The following MCTP1 variants were observed in gnomAD, a reference collection of about 807,000 sequenced individuals.
MCTP1 encodes multiple C2 and transmembrane domain containing 1, also known as multiple C2 and transmembrane domain-containing protein 1.
Under a neutral mutation model 120.6 loss-of-function variants are expected in MCTP1, and 69 were observed. The observed-to-expected ratio is 0.57, with a 90% CI of 0.47 to 0.70. The LOEUF (loss-of-function observed/expected upper bound fraction) is 0.70, where lower values mean the gene tolerates loss of function less well. Among genes scored for constraint, MCTP1 ranks in the 30% least tolerant of loss-of-function variants. MCTP1 has a pLI of 0.00. For missense variants in MCTP1, 1,203 were observed against 1,248.8 expected (o/e 0.96, Z 0.55); for synonymous variants, 529 against 493.1 (o/e 1.07, Z -0.96).
At chr5:94,836,345 C>CA in intron 17 of MCTP1, among the ~76,000 whole-genome samples, 1 of 152,216 alleles carries the variant, frequency 6.6e-6, no homozygotes, top group East Asian at 1.9e-4. Flanking sequence ...GCTTACTATA[C>CA]AGCTGGGGGA....
intron 2 of MCTP1, among the ~76,000 whole-genome samples, chr5:94,961,593 C>G (rs557877186): frequency 1.3e-5 from 2 of 152,266 alleles, no homozygotes; most frequent in Admixed American, 1.3e-4. Context: ...CATACCATTT[C>G]TCATCTTTGT....
At chr5:95,215,684 A>G (rs931358617) in intron 1 of MCTP1, among the ~76,000 whole-genome samples, 10 of 151,706 alleles carry the variant, frequency 6.6e-5, no homozygotes, top group African/African-American at 2.4e-4. Context: ...ATATGGATAT[A>G]ATGTTAGAGA....
At chr5:94,937,407 G>A (rs1816454952) in intron 5 of MCTP1, among the ~76,000 whole-genome samples, 1 of 152,002 alleles carries the variant, frequency 6.6e-6, no homozygotes, top group Admixed American at 6.6e-5. Flanking sequence ...GGGTGAATGT[G>A]GCTGAAGAGA....
At chr5:94,930,203 CTTAAT>C (rs908458913) in intron 6 of MCTP1, among the ~76,000 whole-genome samples, 3 of 142,402 alleles carry the variant, frequency 2.1e-5, no homozygotes, top group Admixed American at 7.0e-5. Flanking sequence ...TATATTTTTA[CTTAAT>C]TTATGTTTAA....
chr5:94,800,186 A>G (rs1780921146), intron 17 of MCTP1, among the ~76,000 whole-genome samples: 1 of 152,254 alleles, frequency 6.6e-6, no homozygotes, highest in African/African-American at 2.4e-5. Flanking sequence ...CGCAAAAACC[A>G]AAACCCAAAC....
chr5:94,747,068 A>G (rs1207492587), intron 19 of MCTP1, among the ~76,000 whole-genome samples: 1 of 152,132 alleles, frequency 6.6e-6, no homozygotes, highest in Non-Finnish European at 1.5e-5. Context: ...TTTAGGCTGG[A>G]GATACAGTTT....
chr5:95,166,050 T>C (rs972015076), intron 1 of MCTP1: 22 of 152,186 alleles, frequency 1.4e-4, no homozygotes, highest in Admixed American at 3.9e-4. Context: ...GTGGCCATTA[T>C]TGATAAGCTG....
intron 1 of MCTP1, among the ~76,000 whole-genome samples, chr5:95,073,114 G>A (rs1752669973): frequency 6.6e-6 from 1 of 152,226 alleles, no homozygotes; most frequent in South Asian, 2.1e-4. Flanking sequence ...ACTAGCCCAT[G>A]GTCACAATGA....
At position 94,974,270 on chromosome 5, in the gene MCTP1, A is replaced by G. The variant is rs983646563; in HGVS notation, c.839-20909T>C. Among the ~76,000 whole-genome samples the G allele has an allele frequency of 1.3e-5, 2 of 152,192 alleles. 1 individual carries two copies. Among genetic ancestry groups the G allele is most frequent in the South Asian group, 4.1e-4 (2 of 4,836 alleles). Reference sequence around the variant, plus strand: ...TCATTTAGGAATACATAAATAGAACAAGCACAGTGTCTCACACTTGTAATC... The same window carrying G: ...TCATTTAGGAATACATAAATAGAACGAGCACAGTGTCTCACACTTGTAATC... On this transcript the variant is annotated intron_variant, in intron 2 of 22. Coordinates refer to ENST00000515393, the MANE Select transcript of MCTP1 (RefSeq NM_024717.7).
intron 1 of MCTP1, among the ~76,000 whole-genome samples, chr5:95,170,242 G>C (rs543817569): frequency 6.6e-6 from 1 of 152,312 alleles, no homozygotes; most frequent in East Asian, 1.9e-4. Flanking sequence ...TCTTCATCCA[G>C]AGTTCTAGTT....
intron 18 of MCTP1, among the ~76,000 whole-genome samples, chr5:94,797,475 A>T (rs545474225): frequency 6.6e-6 from 1 of 152,290 alleles, no homozygotes; most frequent in Admixed American, 6.5e-5. Flanking sequence ...CTTCCAGAAA[A>T]CATCCTGAAT....
At chr5:94,709,440 A>G (rs1233502380) in intron 21 of MCTP1, 3 of 152,062 alleles carry the variant, frequency 2.0e-5, no homozygotes, top group Admixed American at 6.6e-5. Context: ...ACACAGCTAG[A>G]TGTCTGCCCT....
rs1754081061 is a variant in MCTP1 at position 94,704,391 on chromosome 5, T to TAAAC, written c.*3101_*3104dup. The TAAAC allele has an allele frequency of 6.6e-6, 1 of 151,506 alleles. No individual in the cohort carries two copies. Among genetic ancestry groups the TAAAC allele is most frequent in the African/African-American group, 2.4e-5 (1 of 41,364 alleles). The allele number at this position is 151,506 out of a possible 1,614,324, so 9.4% of individuals were successfully genotyped here. On this transcript the variant is annotated 3_prime_UTR_variant, in exon 23 of 23. Coordinates refer to ENST00000515393, the MANE Select transcript of MCTP1 (RefSeq NM_024717.7). ...TGTTCTTAATGCTTAGTCAACATTA[T>TAAAC]AAACATTTAGGCCCATTTAACAAGT...
intron 6 of MCTP1, chr5:94,929,582 C>G: frequency 1.3e-6 from 1 of 795,966 alleles, no homozygotes; most frequent in Non-Finnish European, 1.5e-6. Flanking sequence ...TTTCATAAAA[C>G]AGTAACATAG....
chr5:95,255,257 T>G (rs1187023715), intron 1 of MCTP1, among the ~76,000 whole-genome samples: 1 of 152,196 alleles, frequency 6.6e-6, no homozygotes, highest in Non-Finnish European at 1.5e-5. Context: ...TTACTAATAT[T>G]TGTATACCCA....
At chr5:95,035,448 T>A (rs1841114310) in intron 1 of MCTP1, among the ~76,000 whole-genome samples, 1 of 152,088 alleles carries the variant, frequency 6.6e-6, no homozygotes, top group Non-Finnish European at 1.5e-5. Context: ...GCAATTATCT[T>A]AAGTGAACTA....
intron 3 of MCTP1, among the ~76,000 whole-genome samples, chr5:94,950,735 C>CTT: frequency 6.6e-6 from 1 of 151,904 alleles, no homozygotes; most frequent in Non-Finnish European, 1.5e-5. Flanking sequence ...GGGCAGATCA[C>CTT]GAGATCAGGA....
chr5:95,195,909 T>C (rs1186589441), intron 1 of MCTP1, among the ~76,000 whole-genome samples: 1 of 152,222 alleles, frequency 6.6e-6, no homozygotes, highest in African/African-American at 2.4e-5. Context: ...ACTTATTTTA[T>C]TAAGCACACA....
chr5:95,283,765 G>T (rs1027665605), intron 1 of MCTP1, 91 bp downstream of exon 1: 12 of 1,060,218 alleles, frequency 1.1e-5, no homozygotes, highest in Non-Finnish European at 1.5e-5. Flanking sequence ...CCGCCTCCCG[G>T]CCCCCGCCCC....
Sources: gnomAD v4.1 joint callset for allele counts (sites outside exome capture counted in the v4.1 genomes callset) on GRCh38, gnomAD v4.1.1 for gene constraint, MANE v1.5 for transcripts, NCBI Gene and HGNC (gene_info 2026-07-23, HGNC 2026-07-21) for gene names.